CATSPERD: variants seen among roughly 807,000 people sequenced by gnomAD.
CATSPERD encodes catsper channel auxiliary subunit delta.
In CATSPERD, 86 loss-of-function variants were observed where a neutral mutation model predicts 98.1. The observed-to-expected ratio is 0.88, with a 90% CI of 0.74 to 1.05. CATSPERD has a LOEUF of 1.05. Among genes scored for constraint, CATSPERD ranks in the 50% least tolerant of loss-of-function variants. The probability of loss-of-function intolerance (pLI) is 0.00; values close to 1 mark genes in which losing one functional copy is unlikely to be tolerated. For missense variants in CATSPERD, 995 were observed against 1,005.7 expected, an observed-to-expected ratio of 0.99 and a Z score of 0.14; for synonymous variants, 394 against 390.2, an observed-to-expected ratio of 1.01 and a Z score of -0.12.
rs1214950316 is a variant in CATSPERD at position 5,763,087 on chromosome 19, A to G, written c.1428-128A>G. ...ATGGATGGGTGGGTGGAATGAATGG[A>G]TGGAAGGATGGATGAGATGGATGGA... On this transcript the variant is annotated intron_variant, in intron 15 of 21. Coordinates refer to ENST00000381624, the MANE Select transcript of CATSPERD (RefSeq NM_152784.4). 8.8e-6 allele frequency: 6 copies of G among 680,814 alleles called. No individual in the cohort carries two copies. In the South Asian group the frequency reaches 1.1e-4, roughly 12 times the overall value. The allele number at this position is 680,814 out of a possible 1,614,324, so 42.2% of individuals were successfully genotyped here. A position where few individuals can be genotyped will look rare whatever the true frequency, so the allele number is the denominator to read the frequency against.
rs765397290 is a variant in CATSPERD at position 5,772,815 on chromosome 19, C to A, written c.1791C>A (p.Val597=). 6.2e-7 allele frequency: 1 copy of A among 1,613,894 alleles called. No individual in the cohort carries two copies. ...GGCGAAAAGACAGTTTCCAGGAGGT[C>A]ATCGACGCCGAGTATGTGTTACTGG... The part of the protein sequence containing the change: ...ELWRKDSFQE[V]IDAEYVLLEV... The change falls in exon 20 of 22, where the codon GTC becomes GTA. Residue 597 remains valine (V), a synonymous_variant. Coordinates refer to ENST00000381624, the MANE Select transcript of CATSPERD (RefSeq NM_152784.4).
rs200370083 is a variant in CATSPERD, at chr19:5,772,848, C to T, written c.1824C>T (p.Asn608=). The T allele has an allele frequency of 5.9e-5, 96 of 1,613,992 alleles. No individual in the cohort carries two copies. Among genetic ancestry groups the T allele is most frequent in the Middle Eastern group, 5.0e-4 (3 of 6,060 alleles). The change falls in exon 20 of 22, where the codon AAC becomes AAT. Residue 608 remains asparagine (N), a synonymous_variant. Coordinates refer to ENST00000381624, the MANE Select transcript of CATSPERD (RefSeq NM_152784.4). The part of the protein sequence containing the change: ...IDAEYVLLEV[N]GQFSYSYSLT... ...CCGAGTATGTGTTACTGGAGGTGAACGGGCAGTTCTCATACTCCTATTCCC... is the reference window on the plus strand; with the variant it reads ...CCGAGTATGTGTTACTGGAGGTGAATGGGCAGTTCTCATACTCCTATTCCC...
rs560431588 is a variant in CATSPERD, at chr19:5,732,274, G to T, written c.277-1582G>T. On this transcript the variant is annotated intron_variant, in intron 4 of 21. Coordinates refer to ENST00000381624, the MANE Select transcript of CATSPERD (RefSeq NM_152784.4). ...GCATGAGCCACCACGCCCAGCTTCA[G>T]GGAAGGTTTTTATAAAGGAAGAGGA... Among the ~76,000 whole-genome samples the T allele has an allele frequency of 2.8e-4, 43 of 151,446 alleles. 1 individual carries two copies. In the South Asian group the frequency reaches 7.1e-3, roughly 25 times the overall value.
intron 4 of CATSPERD, among the ~76,000 whole-genome samples, chr19:5,730,159 GAA>G (rs1468001064): frequency 6.6e-6 from 1 of 151,900 alleles, no homozygotes. Context: ...TCCTGAAAAA[GAA>G]AAAAAGAGTG....
chr19:5,738,464 G>A (rs1230425303), intron 6 of CATSPERD, among the ~76,000 whole-genome samples: 3 of 151,952 alleles, frequency 2.0e-5, no homozygotes, highest in Non-Finnish European at 4.4e-5. Context: ...CCCAGAAGGC[G>A]CAGGTTATAG....
intron 13 of CATSPERD, among the ~76,000 whole-genome samples, chr19:5,757,004 C>A (rs1599565510): frequency 6.6e-6 from 1 of 152,020 alleles, no homozygotes; most frequent in African/African-American, 2.4e-5. Context: ...AATCCCAGCA[C>A]TTTAGGAGGC....
intron 6 of CATSPERD, 21 bp from the exon 7 acceptor site, chr19:5,739,305 C>A: frequency 8.0e-7 from 1 of 1,256,910 alleles, no homozygotes. Context: ...TTCATTCTTT[C>A]TTTCTTTTTT....
At position 5,773,082 on chromosome 19, in the gene CATSPERD, G is replaced by A. The variant is rs1188687992; in HGVS notation, c.1941+117G>A. The A allele has an allele frequency of 5.8e-6, 6 of 1,039,506 alleles. No homozygotes were observed. In the East Asian group the frequency reaches 8.2e-5, roughly 14 times the overall value. 64.4% of individuals were successfully genotyped at this position (1,039,506 alleles called of 1,614,324 possible). On this transcript the variant is annotated intron_variant, in intron 20 of 21. Coordinates refer to ENST00000381624, the MANE Select transcript of CATSPERD (RefSeq NM_152784.4). The stretch of plus-strand genomic sequence containing the variant: ...GTATGGAATGAAAGAGTTGGGGCGC[G>A]GTGGCTCACGCCTGTAATCCCAGCA...
In CATSPERD at chr19:5,759,078, C is replaced by T. The variant is rs2056383666; in HGVS notation, c.1369-8C>T. 2 of 1,613,538 alleles carry T rather than the reference C, an allele frequency of 1.2e-6. No homozygotes were observed. Among genetic ancestry groups the T allele is most frequent in the Non-Finnish European group, 1.7e-6 (2 of 1,179,716 alleles). ...ATACACTTGGGATTTTCTCTCTTGACCCCACAGGATATTTTCCTAAAACAG... is the reference window on the plus strand; with the variant it reads ...ATACACTTGGGATTTTCTCTCTTGATCCCACAGGATATTTTCCTAAAACAG... On this transcript the variant is annotated splice_polypyrimidine_tract_variant and splice_region_variant and intron_variant, in intron 14 of 21. Transcript: ENST00000381624.
intron 5 of CATSPERD, among the ~76,000 whole-genome samples, chr19:5,735,695 G>A (rs954557369): frequency 1.3e-5 from 2 of 151,310 alleles, no homozygotes; most frequent in African/African-American, 4.9e-5. Flanking sequence ...GGATGATCTC[G>A]ATCTATTTAC....
chr19:5,753,608 A>T, intron 12 of CATSPERD: 1 of 408,434 alleles, frequency 2.4e-6, no homozygotes, highest in South Asian at 1.8e-5. Flanking sequence ...GTGGCTCACA[A>T]CTGTAACCTC....
intron 20 of CATSPERD, among the ~76,000 whole-genome samples, chr19:5,775,648 C>CAAAAAAAAAAAAAA (rs1156270373): frequency 3.3e-5 from 2 of 61,478 alleles, no homozygotes; most frequent in Admixed American, 2.1e-4. Flanking sequence ...AACCCCATCT[C>CAAAAAAAAAAAAAA]AAAAAAAAAA....
chr19:5,737,885 G>A (rs960056034), intron 6 of CATSPERD, among the ~76,000 whole-genome samples: 2 of 151,646 alleles, frequency 1.3e-5, no homozygotes, highest in African/African-American at 4.8e-5. Flanking sequence ...AAAGAAATAA[G>A]GACAGTGTAA....
In CATSPERD at chr19:5,778,681, G is replaced by C; in HGVS notation, c.*5G>C. 6.2e-7 allele frequency: 1 copy of C among 1,608,074 alleles called. No individual in the cohort carries two copies. The highest frequency in any genetic ancestry group is 8.5e-7 in the Non-Finnish European group (1 of 1,176,982). On this transcript the variant is annotated 3_prime_UTR_variant, in exon 22 of 22. Transcript: ENST00000381624. ...GGAGGCAGGTCTGACCACTGAGGCC[G>C]GTCCACAGGGTCCCAACCCCTTGTC... is the stretch of plus-strand genomic sequence containing the variant.
intron 12 of CATSPERD, chr19:5,753,671 A>G: frequency 6.0e-6 from 2 of 333,988 alleles, no homozygotes; most frequent in South Asian, 2.3e-5. Context: ...GGAATTTGGG[A>G]CCAGCGTGGC....
chr19:5,738,028 T>C (rs2055882735), intron 6 of CATSPERD, among the ~76,000 whole-genome samples: 1 of 152,034 alleles, frequency 6.6e-6, no homozygotes, highest in Admixed American at 6.6e-5. Flanking sequence ...CCATCTATAG[T>C]TGACCTTTGA....
At chr19:5,726,550 T>A (rs974695392) in intron 2 of CATSPERD, among the ~76,000 whole-genome samples, 1 of 151,758 alleles carries the variant, frequency 6.6e-6, no homozygotes, top group Non-Finnish European at 1.5e-5. Flanking sequence ...CCCAGCCAAT[T>A]TTTATGTTTT....
chr19:5,724,332 G>A (rs2055561490), intron 1 of CATSPERD, among the ~76,000 whole-genome samples: 1 of 151,872 alleles, frequency 6.6e-6, no homozygotes, highest in South Asian at 2.1e-4. Flanking sequence ...CAAAGTGCTG[G>A]GATTAAAGAC....
At chr19:5,755,296 G>T (rs1203973118) in intron 13 of CATSPERD, among the ~76,000 whole-genome samples, 1 of 151,922 alleles carries the variant, frequency 6.6e-6, no homozygotes, top group Non-Finnish European at 1.5e-5. Flanking sequence ...AGTACAGATG[G>T]TCCCACAATT....
Sources: allele counts gnomAD v4.1 joint callset (sites outside exome capture counted in the v4.1 genomes callset), GRCh38; gene constraint gnomAD v4.1.1; transcripts MANE v1.5; gene names NCBI Gene and HGNC (gene_info 2026-07-23, HGNC 2026-07-21).